RBFOX1: variants seen among roughly 807,000 people sequenced by gnomAD.
RBFOX1 encodes the protein RNA binding protein fox-1 homolog 1.
RBFOX1 carries 8 observed loss-of-function variants against 57.7 expected under a neutral mutation model. The ratio of observed to expected loss-of-function variants is 0.14; its 90% CI spans 0.08 to 0.25. The LOEUF (loss-of-function observed/expected upper bound fraction) is 0.25, where lower values mean the gene tolerates loss of function less well. Ranked by LOEUF, RBFOX1 falls within the 10% of genes least tolerant of loss-of-function variation. The pLI, the probability that RBFOX1 is intolerant of heterozygous loss-of-function variation, is 1.00. For synonymous variants in RBFOX1, 326 were observed against 222.4 expected (o/e 1.47, Z -4.15); for missense variants, 611 against 548.5 (o/e 1.11, Z -1.14).
At chr16:6,609,630 C>T (rs748168442) in intron 2 of RBFOX1, among the ~76,000 whole-genome samples, 1 of 152,138 alleles carries the variant, frequency 6.6e-6, no homozygotes, top group African/African-American at 2.4e-5. Context: ...ACTGGATTAG[C>T]TGTTTGGGGG....
At chr16:5,739,155 C>G (rs1370177752) in intron 3 of RBFOX1, among the ~76,000 whole-genome samples, 2 of 152,264 alleles carry the variant, frequency 1.3e-5, no homozygotes, top group African/African-American at 2.4e-5. Flanking sequence ...AGTGTAGGAA[C>G]TGTGCCCCTT....
At chr16:5,778,401 C>T (rs1011222448) in intron 3 of RBFOX1, among the ~76,000 whole-genome samples, 2 of 152,170 alleles carry the variant, frequency 1.3e-5, no homozygotes, top group African/African-American at 2.4e-5. Flanking sequence ...ACCCCTAGTC[C>T]TTCACCTGGT....
intron 3 of RBFOX1, among the ~76,000 whole-genome samples, chr16:6,748,023 T>C (rs980004985): frequency 3.3e-5 from 5 of 152,220 alleles, no homozygotes; most frequent in Admixed American, 6.5e-5. Flanking sequence ...TTTGAAGGAT[T>C]GTTCACCAGT....
chr16:6,574,953 G>T (rs903972290), intron 2 of RBFOX1, among the ~76,000 whole-genome samples: 1 of 151,274 alleles, frequency 6.6e-6, no homozygotes, highest in Non-Finnish European at 1.5e-5. Flanking sequence ...GAGGAGAATG[G>T]CGTGAACCTG....
At chr16:5,751,327 C>T (rs1461429695) in intron 3 of RBFOX1, among the ~76,000 whole-genome samples, 1 of 150,544 alleles carries the variant, frequency 6.6e-6, no homozygotes, top group Non-Finnish European at 1.5e-5. Flanking sequence ...TTTGTAGTGC[C>T]CTACATTTGT....
At chr16:6,732,592 G>A (rs1444604288) in intron 3 of RBFOX1, among the ~76,000 whole-genome samples, 2 of 152,224 alleles carry the variant, frequency 1.3e-5, no homozygotes, top group Non-Finnish European at 2.9e-5. Context: ...AATGCACGTA[G>A]TAGGTCTGCA....
At chr16:6,266,897 A>G (rs1339280477) in intron 1 of RBFOX1, among the ~76,000 whole-genome samples, 1 of 152,162 alleles carries the variant, frequency 6.6e-6, no homozygotes, top group Non-Finnish European at 1.5e-5. Flanking sequence ...AGGAAGCTTG[A>G]TTGATTCGCT....
intron 1 of RBFOX1, among the ~76,000 whole-genome samples, chr16:5,435,852 C>T (rs2067901404): frequency 6.6e-6 from 1 of 152,196 alleles, no homozygotes; most frequent in Non-Finnish European, 1.5e-5. Flanking sequence ...TTCAGTTAGT[C>T]CTCCATTTGT....
intron 3 of RBFOX1, among the ~76,000 whole-genome samples, chr16:5,768,911 A>G (rs929631802): frequency 3.9e-5 from 6 of 151,986 alleles, no homozygotes; most frequent in African/African-American, 1.2e-4. Context: ...AACCCATTGT[A>G]TTTAAGTGGT....
At chr16:6,495,749 A>T (rs1317801602) in intron 2 of RBFOX1, among the ~76,000 whole-genome samples, 1 of 152,174 alleles carries the variant, frequency 6.6e-6, no homozygotes. Flanking sequence ...TCTCAATAGC[A>T]GTATGTTCTG....
rs533573826 is a variant in RBFOX1 at position 6,994,519 on chromosome 16, T to G, written c.-15-57538T>G. Among the ~76,000 whole-genome samples the G allele has an allele frequency of 4.6e-5, 7 of 152,274 alleles. No individual in the cohort carries two copies. In the East Asian group the frequency reaches 1.4e-3, roughly 29 times the overall value. On this transcript the variant is annotated intron_variant, in intron 3 of 15. Coordinates refer to ENST00000550418, the MANE Select transcript of RBFOX1 (RefSeq NM_018723.4). Reference sequence around the variant, plus strand: ...TTAGGTAAACAACAAGTGACCGATTTTCTTGCATTTTTTAATAGAAGCAAA... The same window carrying G: ...TTAGGTAAACAACAAGTGACCGATTGTCTTGCATTTTTTAATAGAAGCAAA...
chr16:5,839,397 A>G (rs2056556418), intron 3 of RBFOX1, among the ~76,000 whole-genome samples: 1 of 152,130 alleles, frequency 6.6e-6, no homozygotes, highest in African/African-American at 2.4e-5. Flanking sequence ...TTATGGCCCT[A>G]ATTCCTTTAG....
At chr16:7,394,852 C>CAA (rs2098115630) in intron 4 of RBFOX1, among the ~76,000 whole-genome samples, 1 of 152,216 alleles carries the variant, frequency 6.6e-6, no homozygotes, top group Admixed American at 6.5e-5. Context: ...TTCAATCCGT[C>CAA]TACTTCCACG....
intron 1 of RBFOX1, among the ~76,000 whole-genome samples, chr16:6,203,093 T>C (rs1259656137): frequency 2.6e-5 from 4 of 152,088 alleles, no homozygotes; most frequent in Admixed American, 6.6e-5. Context: ...GATTTTCCTT[T>C]TGTGGTAAGA....
chr16:5,745,390 C>G (rs2052938307), intron 3 of RBFOX1, among the ~76,000 whole-genome samples: 1 of 152,128 alleles, frequency 6.6e-6, no homozygotes, highest in African/African-American at 2.4e-5. Context: ...GTGAATAGTG[C>G]CGCAATAAAC....
At chr16:6,254,829 A>T (rs1852719484) in intron 1 of RBFOX1, among the ~76,000 whole-genome samples, 1 of 152,132 alleles carries the variant, frequency 6.6e-6, no homozygotes, top group Admixed American at 6.5e-5. Context: ...AACACTTCTC[A>T]TGTCCTCTTT....
At chr16:5,786,676 A>G (rs965449461) in intron 3 of RBFOX1, among the ~76,000 whole-genome samples, 13 of 152,228 alleles carry the variant, frequency 8.5e-5, no homozygotes, top group Admixed American at 5.9e-4. Flanking sequence ...CCTGGACATC[A>G]TCCCTGACAG....
intron 2 of RBFOX1, among the ~76,000 whole-genome samples, chr16:6,437,507 C>T (rs2094269022): frequency 6.6e-6 from 1 of 152,162 alleles, no homozygotes. Flanking sequence ...TCATTAGGTT[C>T]TCCAGGAGTC....
intron 4 of RBFOX1, among the ~76,000 whole-genome samples, chr16:7,054,220 G>GGT (rs2051177184): frequency 9.5e-6 from 1 of 105,492 alleles, no homozygotes; most frequent in African/African-American, 3.5e-5. Flanking sequence ...TTTCGGGGGG[G>GGT]GGGGGCGGGG....
Sources: gnomAD v4.1 joint callset for allele counts (sites outside exome capture counted in the v4.1 genomes callset) on GRCh38, gnomAD v4.1.1 for gene constraint, MANE v1.5 for transcripts, NCBI Gene and HGNC (gene_info 2026-07-23, HGNC 2026-07-21) for gene names.